Variants in GPC5 observed in about 807,000 individuals in gnomAD.
GPC5 encodes the protein glypican 5, also known as glypican-5.
GPC5 carries 47 observed loss-of-function variants against 53.9 expected under a neutral mutation model. The ratio of observed to expected loss-of-function variants is 0.87; its 90% CI spans 0.69 to 1.11. The LOEUF (loss-of-function observed/expected upper bound fraction) is 1.11, where lower values mean the gene tolerates loss of function less well. GPC5 is among the 50% of genes most tolerant of loss of function. The probability of loss-of-function intolerance (pLI) is 0.00; values close to 1 mark genes in which losing one functional copy is unlikely to be tolerated. For synonymous variants in GPC5, 286 were observed against 263.3 expected (o/e 1.09, Z -0.84); for missense variants, 748 against 713.1 (o/e 1.05, Z -0.56).
intron 7 of GPC5, among the ~76,000 whole-genome samples, chr13:92,540,085 G>T (rs1881884894): frequency 6.6e-6 from 1 of 151,860 alleles, no homozygotes; most frequent in Non-Finnish European, 1.5e-5. Context: ...ACTGTTTATA[G>T]ATGTTGGGGC....
chr13:91,793,867 A>AC (rs2038007001), intron 5 of GPC5, among the ~76,000 whole-genome samples: 2 of 151,828 alleles, frequency 1.3e-5, no homozygotes, highest in Non-Finnish European at 2.9e-5. Context: ...GGGGGAAACC[A>AC]CCCCCATGAT....
chr13:91,844,510 G>A (rs2038826023), intron 5 of GPC5, among the ~76,000 whole-genome samples: 1 of 152,170 alleles, frequency 6.6e-6, no homozygotes, highest in African/African-American at 2.4e-5. Context: ...GGCCTGGGCT[G>A]TAGAACCGTA....
intron 5 of GPC5, among the ~76,000 whole-genome samples, chr13:91,864,581 T>C (rs1246815866): frequency 1.3e-5 from 2 of 152,150 alleles, no homozygotes; most frequent in African/African-American, 4.8e-5. Context: ...AAAAATAAAC[T>C]TAGGGACTAT....
chr13:92,703,827 G>A (rs377119975), intron 7 of GPC5, among the ~76,000 whole-genome samples: 3 of 151,734 alleles, frequency 2.0e-5, no homozygotes, highest in Non-Finnish European at 2.9e-5. Context: ...TGGGAATATC[G>A]ATTTGTAAAT....
At chr13:91,632,433 C>T (rs1007693626) in intron 2 of GPC5, among the ~76,000 whole-genome samples, 1 of 151,884 alleles carries the variant, frequency 6.6e-6, no homozygotes, top group African/African-American at 2.4e-5. Flanking sequence ...ATCTATTCAC[C>T]CAAAATTTTT....
At chr13:92,518,084 A>C (rs1029646368) in intron 7 of GPC5, among the ~76,000 whole-genome samples, 3 of 152,232 alleles carry the variant, frequency 2.0e-5, no homozygotes, top group African/African-American at 7.2e-5. Flanking sequence ...TCAGTGAAAG[A>C]GTAAAAAGAA....
At chr13:92,287,149 T>C (rs1010432096) in intron 7 of GPC5, among the ~76,000 whole-genome samples, 21 of 152,334 alleles carry the variant, frequency 1.4e-4, no homozygotes, top group African/African-American at 4.3e-4. Context: ...AAGTGTGTTT[T>C]CTTAATTTTC....
chr13:92,508,234 T>C (rs1245796896), intron 7 of GPC5, among the ~76,000 whole-genome samples: 2 of 152,202 alleles, frequency 1.3e-5, no homozygotes, highest in African/African-American at 4.8e-5. Context: ...AGTCCTGGGA[T>C]ACCAGGCGTG....
chr13:91,715,091 C>T (rs1307079564), intron 3 of GPC5, among the ~76,000 whole-genome samples: 1 of 152,172 alleles, frequency 6.6e-6, no homozygotes, highest in Non-Finnish European at 1.5e-5. Flanking sequence ...GTAGCCATTT[C>T]TGGGTCATCT....
intron 7 of GPC5, among the ~76,000 whole-genome samples, chr13:92,410,014 G>A (rs905017056): frequency 1.3e-5 from 2 of 152,092 alleles, no homozygotes; most frequent in African/African-American, 4.8e-5. Context: ...ATGAAGAGTG[G>A]TTTTCCCAGT....
chr13:92,558,192 G>A (rs1882566445), intron 7 of GPC5, among the ~76,000 whole-genome samples: 1 of 151,958 alleles, frequency 6.6e-6, no homozygotes, highest in Non-Finnish European at 1.5e-5. Context: ...AAGCATACAG[G>A]ACTTCAGGAA....
intron 6 of GPC5, among the ~76,000 whole-genome samples, chr13:92,006,493 G>T (rs2040607938): frequency 6.6e-6 from 1 of 152,180 alleles, no homozygotes; most frequent in African/African-American, 2.4e-5. Context: ...GAAGAGTTTT[G>T]AAACTCCACT....
chr13:92,020,683 C>CTTTTTTTTT (rs71113782), intron 6 of GPC5, among the ~76,000 whole-genome samples: 1 of 140,658 alleles, frequency 7.1e-6, no homozygotes, highest in African/African-American at 2.6e-5. Context: ...TTAGTTTATT[C>CTTTTTTTTT]TTTTTTTTTT....
chr13:92,643,756 T>C (rs1011911859), intron 7 of GPC5, among the ~76,000 whole-genome samples: 6 of 148,790 alleles, frequency 4.0e-5, no homozygotes, highest in Admixed American at 1.3e-4. Flanking sequence ...AGGGATAGCA[T>C]TGGGAGATAT....
intron 7 of GPC5, among the ~76,000 whole-genome samples, chr13:92,184,800 C>CT (rs780378048): frequency 3.3e-5 from 5 of 151,948 alleles, no homozygotes; most frequent in African/African-American, 9.7e-5. Flanking sequence ...AACTCTATAT[C>CT]TTTATTCTTT....
chr13:91,504,396 G>T (rs1594179495), intron 2 of GPC5, among the ~76,000 whole-genome samples: 1 of 151,840 alleles, frequency 6.6e-6, no homozygotes, highest in African/African-American at 2.4e-5. Flanking sequence ...TCTATAAGTG[G>T]TTATTAATAT....
intron 7 of GPC5, among the ~76,000 whole-genome samples, chr13:92,264,796 A>T (rs576504975): frequency 1.2e-4 from 18 of 151,048 alleles, no homozygotes; most frequent in African/African-American, 4.4e-4. Context: ...TATGCTCTGT[A>T]GGATTTAAGT....
chr13:92,584,097 G>T (rs1286475955), intron 7 of GPC5, among the ~76,000 whole-genome samples: 1 of 152,262 alleles, frequency 6.6e-6, no homozygotes, highest in Middle Eastern at 3.4e-3. Flanking sequence ...CAGTACATTG[G>T]TACCAGTAGA....
chr13:91,990,440 G>A (rs1042463184), intron 6 of GPC5, among the ~76,000 whole-genome samples: 1 of 152,048 alleles, frequency 6.6e-6, no homozygotes, highest in East Asian at 1.9e-4. Flanking sequence ...AAATTGCAGC[G>A]TGGTGCCTGG....
Sources: gnomAD v4.1 joint callset for allele counts (sites outside exome capture counted in the v4.1 genomes callset) on GRCh38, gnomAD v4.1.1 for gene constraint, MANE v1.5 for transcripts, NCBI Gene and HGNC (gene_info 2026-07-23, HGNC 2026-07-21) for gene names.